The following PIAS1 variants were observed in gnomAD, a reference collection of about 807,000 sequenced individuals.
The protein encoded by PIAS1 is protein inhibitor of activated STAT 1, also known as E3 SUMO-protein ligase PIAS1.
In PIAS1, 6 loss-of-function variants were observed where a neutral mutation model predicts 71.3. The ratio of observed to expected loss-of-function variants is 0.08; its 90% CI spans 0.05 to 0.17. The LOEUF is 0.17. PIAS1 is among the 10% of genes least tolerant of loss of function. PIAS1 has a pLI of 1.00. For missense variants in PIAS1, 555 were observed against 793.6 expected (o/e 0.70, Z 3.61); for synonymous variants, 303 against 292.9 (o/e 1.03, Z -0.35).
intron 2 of PIAS1, among the ~76,000 whole-genome samples, chr15:68,106,140 T>C (rs947384760): frequency 2.0e-5 from 3 of 151,952 alleles, no homozygotes; most frequent in African/African-American, 7.2e-5. Flanking sequence ...TTTTATACTC[T>C]TAATTTGTGT....
In PIAS1 at chr15:68,173,839, G is replaced by T; in HGVS notation, c.1116G>T (p.Trp372Cys). 6.3e-7 allele frequency: 1 copy of T among 1,596,734 alleles called. No homozygotes were observed. Among genetic ancestry groups the T allele is most frequent in the Non-Finnish European group, 8.6e-7 (1 of 1,167,776 alleles). ...YIQMNEKKPTWVCPVCDKKAP... is the reference protein window; with the variant it reads ...YIQMNEKKPTCVCPVCDKKAP... ...AGATGAATGAGAAAAAACCAACCTG[G>T]GTTTGTCCTGTCTGTGATAAGAAGG... The change falls in exon 9 of 14, where the codon TGG (tryptophan) becomes TGT (cysteine). Residue 372 changes from tryptophan (W) to cysteine (C), a missense_variant. Coordinates refer to ENST00000249636, the MANE Select transcript of PIAS1 (RefSeq NM_016166.3). This position sits in a 1 kb window ranked among gnomAD's most constrained non-coding sequence, Gnocchi z 4.3.
intron 1 of PIAS1, among the ~76,000 whole-genome samples, chr15:68,073,268 C>T (rs1200819875): frequency 1.3e-5 from 2 of 152,190 alleles, no homozygotes; most frequent in Admixed American, 6.5e-5. Context: ...CTACCCATCT[C>T]GGCCTCCCGA....
intron 1 of PIAS1, among the ~76,000 whole-genome samples, chr15:68,079,513 C>T (rs2092206300): frequency 6.6e-6 from 1 of 152,198 alleles, no homozygotes; most frequent in Admixed American, 6.5e-5. Context: ...GTTGCCTAGA[C>T]TGGAGTCCAG....
At chr15:68,118,487 C>T (rs908466730) in intron 2 of PIAS1, among the ~76,000 whole-genome samples, 7 of 152,120 alleles carry the variant, frequency 4.6e-5, no homozygotes, top group Non-Finnish European at 7.3e-5. Context: ...TAGGCATGCA[C>T]CACCATGCCC....
chr15:68,126,184 C>T (rs1461502791), intron 2 of PIAS1, among the ~76,000 whole-genome samples: 1 of 152,036 alleles, frequency 6.6e-6, no homozygotes. Flanking sequence ...TGAATTATTT[C>T]ATTAATTATT....
intron 2 of PIAS1, among the ~76,000 whole-genome samples, chr15:68,121,369 CTA>C (rs1442547141): frequency 6.7e-6 from 1 of 149,912 alleles, no homozygotes; most frequent in Non-Finnish European, 1.5e-5. Flanking sequence ...GTATGCTGTT[CTA>C]TATATTTCCT....
At chr15:68,105,514 G>A (rs1046761956) in intron 2 of PIAS1, among the ~76,000 whole-genome samples, 4 of 151,966 alleles carry the variant, frequency 2.6e-5, no homozygotes, top group African/African-American at 9.7e-5. Context: ...TAGTGTTTCC[G>A]GAATAAAGAA....
At chr15:68,116,810 T>TTTG (rs2092568804) in intron 2 of PIAS1, among the ~76,000 whole-genome samples, 2 of 152,162 alleles carry the variant, frequency 1.3e-5, no homozygotes, top group African/African-American at 4.8e-5. Flanking sequence ...ATTTTGTAGT[T>TTTG]TTCCTTTTGA....
chr15:68,118,929 C>G (rs779476739), intron 2 of PIAS1, among the ~76,000 whole-genome samples: 82 of 152,076 alleles, frequency 5.4e-4, no homozygotes, highest in Non-Finnish European at 9.7e-4. Flanking sequence ...ACAAAAGCAA[C>G]TATAGACACA....
intron 5 of PIAS1, 140 bp from the exon 6 acceptor site, chr15:68,146,426 G>A: frequency 1.6e-6 from 1 of 640,670 alleles, no homozygotes; most frequent in Non-Finnish European, 2.7e-6. Flanking sequence ...CAAGAAACTT[G>A]TAAATGTTTG....
intron 2 of PIAS1, among the ~76,000 whole-genome samples, chr15:68,102,003 T>G (rs1157289650): frequency 6.6e-6 from 1 of 152,180 alleles, no homozygotes; most frequent in Non-Finnish European, 1.5e-5. Context: ...ACCAAAACAC[T>G]GAGATTATGG....
At chr15:68,131,361 G>A (rs1476437625) in intron 2 of PIAS1, among the ~76,000 whole-genome samples, 1 of 151,978 alleles carries the variant, frequency 6.6e-6, no homozygotes, top group East Asian at 1.9e-4. Context: ...AAGCTGATAT[G>A]TTAATCAATT....
chr15:68,104,837 A>G (rs575468447), intron 2 of PIAS1, among the ~76,000 whole-genome samples: 2 of 152,326 alleles, frequency 1.3e-5, no homozygotes, highest in Admixed American at 1.3e-4. Flanking sequence ...AGTTTACATA[A>G]GGGTCTCTGA....
Position 68,167,520 on chromosome 15 carries a change from GT to G in PIAS1, c.1008+2721del, listed in dbSNP as rs2092965007. 6.6e-6 allele frequency among the ~76,000 whole-genome samples: 1 copy of G among 151,992 alleles called. No homozygotes were observed. Among genetic ancestry groups the G allele is most frequent in the Non-Finnish European group, 1.5e-5 (1 of 67,988 alleles). ...AAAGGCAACAAAAATAATTAAAAAT[GT>G]TTTTACTCTTTGGGAATTTTATGGT... On this transcript the variant is annotated intron_variant, in intron 8 of 13. Coordinates refer to ENST00000249636, the MANE Select transcript of PIAS1 (RefSeq NM_016166.3). The surrounding 1 kb of genome is among the most constrained non-coding windows in gnomAD (Gnocchi z 4.4).
intron 7 of PIAS1, among the ~76,000 whole-genome samples, chr15:68,162,877 G>A (rs2092934069): frequency 6.6e-6 from 1 of 152,130 alleles, no homozygotes; most frequent in African/African-American, 2.4e-5. Flanking sequence ...GGAGAAGAAG[G>A]GTATCCCAGC....
At chr15:68,140,949 A>G (rs906873460) in intron 2 of PIAS1, among the ~76,000 whole-genome samples, 13 of 152,196 alleles carry the variant, frequency 8.5e-5, no homozygotes, top group Admixed American at 2.0e-4. Flanking sequence ...CAACAAATAA[A>G]TAGTATTCAG....
At chr15:68,078,567 T>G (rs1487789973) in intron 1 of PIAS1, among the ~76,000 whole-genome samples, 3 of 152,204 alleles carry the variant, frequency 2.0e-5, no homozygotes, top group African/African-American at 7.2e-5. Flanking sequence ...TTCCTGTCCG[T>G]GTCTCAGTGT....
intron 1 of PIAS1, among the ~76,000 whole-genome samples, chr15:68,064,970 C>T (rs754722598): frequency 3.9e-4 from 59 of 152,002 alleles, no homozygotes; most frequent in Non-Finnish European, 7.1e-4. Flanking sequence ...GTCTCGAAGT[C>T]GGGGGCTCCA....
At chr15:68,067,144 GT>G (rs1402584825) in intron 1 of PIAS1, among the ~76,000 whole-genome samples, 1 of 152,188 alleles carries the variant, frequency 6.6e-6, no homozygotes, top group Non-Finnish European at 1.5e-5. Context: ...TGGTTCAGTT[GT>G]TCCAGTAATC....
Sources: gnomAD v4.1 joint callset for allele counts (sites outside exome capture counted in the v4.1 genomes callset) on GRCh38, gnomAD v4.1.1 for gene constraint, Gnocchi (gnomAD v3.1) non-coding constraint, MANE v1.5 for transcripts, NCBI Gene and HGNC (gene_info 2026-07-23, HGNC 2026-07-21) for gene names.